The following CSMD3 variants were observed in gnomAD, a reference collection of about 807,000 sequenced individuals.
CSMD3 encodes the protein CUB and sushi domain-containing protein 3.
Under a neutral mutation model 435.2 loss-of-function variants are expected in CSMD3, and 177 were observed. The observed-to-expected ratio is 0.41, with a 90% confidence interval of 0.36 to 0.46. The LOEUF (loss-of-function observed/expected upper bound fraction) is 0.46. Among genes scored for constraint, CSMD3 ranks in the 20% least tolerant of loss-of-function variants. The probability of loss-of-function intolerance (pLI) is 0.34; values close to 1 mark genes in which losing one functional copy is unlikely to be tolerated. For missense variants in CSMD3, 4,265 were observed against 4,504.6 expected, an observed-to-expected ratio of 0.95 and a Z score of 1.52; for synonymous variants, 1,656 against 1,520.5, an observed-to-expected ratio of 1.09 and a Z score of -2.07.
intron 13 of CSMD3, among the ~76,000 whole-genome samples, chr8:112,725,724 G>A (rs747018422): frequency 6.6e-6 from 1 of 151,788 alleles, no homozygotes; most frequent in African/African-American, 2.4e-5. Context: ...GAAAAAATCC[G>A]AAGGATTTTT....
At chr8:112,621,279 G>T (rs1285278251) in intron 22 of CSMD3, among the ~76,000 whole-genome samples, 1 of 151,738 alleles carries the variant, frequency 6.6e-6, no homozygotes, top group Non-Finnish European at 1.5e-5. Flanking sequence ...AAATATATAT[G>T]GCAAAATATC....
chr8:113,377,582 C>T (rs2094393936), intron 1 of CSMD3, among the ~76,000 whole-genome samples: 1 of 152,104 alleles, frequency 6.6e-6, no homozygotes, highest in Non-Finnish European at 1.5e-5. Flanking sequence ...GTACACATTT[C>T]AATTTTTCTA....
chr8:112,288,170 C>T (rs1819401500), intron 57 of CSMD3, among the ~76,000 whole-genome samples: 1 of 146,342 alleles, frequency 6.8e-6, no homozygotes, highest in African/African-American at 2.5e-5. Flanking sequence ...TTAATAACCA[C>T]ACAAAATTTT....
intron 10 of CSMD3, among the ~76,000 whole-genome samples, chr8:112,870,879 T>C (rs1260620838): frequency 7.2e-6 from 1 of 138,874 alleles, no homozygotes; most frequent in Non-Finnish European, 1.6e-5. Context: ...GCAATGGGAG[T>C]AAGTAATAGA....
At chr8:113,419,243 G>A (rs2094598149) in intron 1 of CSMD3, among the ~76,000 whole-genome samples, 1 of 150,740 alleles carries the variant, frequency 6.6e-6, no homozygotes, top group South Asian at 2.1e-4. Context: ...CTCAGCCTCT[G>A]AGTAGATGGG....
At chr8:112,534,814 T>C (rs1272891097) in intron 27 of CSMD3, among the ~76,000 whole-genome samples, 1 of 152,050 alleles carries the variant, frequency 6.6e-6, no homozygotes, top group East Asian at 1.9e-4. Context: ...CAGCAGCACA[T>C]CAAAAAGTTT....
chr8:113,355,749 T>TATATATATATATGC (rs1357514892), intron 1 of CSMD3, among the ~76,000 whole-genome samples: 1 of 81,316 alleles, frequency 1.2e-5, no homozygotes, highest in South Asian at 6.2e-4. Flanking sequence ...TATATATATA[T>TATATATATATATGC]ACACACACAC....
At chr8:113,367,977 T>C (rs1379799235) in intron 1 of CSMD3, among the ~76,000 whole-genome samples, 1 of 152,064 alleles carries the variant, frequency 6.6e-6, no homozygotes, top group Non-Finnish European at 1.5e-5. Context: ...GGAAACATCA[T>C]GGGGGCTGAG....
chr8:112,279,544 A>G (rs970208181), intron 59 of CSMD3, among the ~76,000 whole-genome samples: 1 of 152,198 alleles, frequency 6.6e-6, no homozygotes, highest in Non-Finnish European at 1.5e-5. Flanking sequence ...CCTTCTAATT[A>G]CAATAGTTAA....
chr8:113,090,697 G>T (rs2089973330), intron 5 of CSMD3, among the ~76,000 whole-genome samples: 1 of 151,998 alleles, frequency 6.6e-6, no homozygotes, highest in African/African-American at 2.4e-5. Context: ...CAATGCTGTT[G>T]CCTGTCTTGT....
intron 13 of CSMD3, among the ~76,000 whole-genome samples, chr8:112,759,239 A>G (rs2077775317): frequency 6.6e-6 from 1 of 152,118 alleles, no homozygotes; most frequent in Admixed American, 6.5e-5. Context: ...GAGATAAAGG[A>G]GGCTTTTCCA....
chr8:113,186,534 C>A (rs1427486983), intron 3 of CSMD3, among the ~76,000 whole-genome samples: 2 of 152,006 alleles, frequency 1.3e-5, no homozygotes, highest in Non-Finnish European at 2.9e-5. Flanking sequence ...GTCAATAGAA[C>A]CCAGCAGCTC....
chr8:113,389,147 T>C (rs2094451182), intron 1 of CSMD3, among the ~76,000 whole-genome samples: 2 of 151,696 alleles, frequency 1.3e-5, no homozygotes, highest in South Asian at 4.1e-4. Flanking sequence ...CACCTGTGGC[T>C]AATTCCCACT....
chr8:112,829,365 G>T (rs995805661), intron 12 of CSMD3, among the ~76,000 whole-genome samples: 5 of 152,076 alleles, frequency 3.3e-5, no homozygotes, highest in Non-Finnish European at 5.9e-5. Context: ...AGATGAGCAG[G>T]CCCTCACCAG....
At chr8:113,414,512 T>C (rs1015730805) in intron 1 of CSMD3, among the ~76,000 whole-genome samples, 5 of 152,026 alleles carry the variant, frequency 3.3e-5, no homozygotes, top group Non-Finnish European at 7.4e-5. Flanking sequence ...AACATTTTAG[T>C]AGGCAGAAAG....
intron 6 of CSMD3, among the ~76,000 whole-genome samples, chr8:112,995,864 T>G (rs2085632497): frequency 6.6e-6 from 1 of 151,490 alleles, no homozygotes; most frequent in Admixed American, 6.6e-5. Flanking sequence ...AGTGACCTAT[T>G]GAAAAATCAT....
At chr8:112,940,840 G>A (rs141561640) in intron 9 of CSMD3, among the ~76,000 whole-genome samples, 71 of 151,838 alleles carry the variant, frequency 4.7e-4, no homozygotes, top group Admixed American at 2.0e-3. Flanking sequence ...TTACTAATAC[G>A]ATGAATTTGA....
At chr8:113,356,540 A>G (rs1448848622) in intron 1 of CSMD3, among the ~76,000 whole-genome samples, 1 of 152,178 alleles carries the variant, frequency 6.6e-6, no homozygotes, top group African/African-American at 2.4e-5. Context: ...TTCATGAGAG[A>G]AAGTAAGCAC....
At chr8:113,212,380 C>A (rs2092847175) in intron 3 of CSMD3, among the ~76,000 whole-genome samples, 1 of 152,060 alleles carries the variant, frequency 6.6e-6, no homozygotes, top group Admixed American at 6.6e-5. Context: ...AAGTTTAATT[C>A]ATTTGCAAAT....
Sources: gnomAD v4.1 joint callset for allele counts (sites outside exome capture counted in the v4.1 genomes callset) on GRCh38, gnomAD v4.1.1 for gene constraint, MANE v1.5 for transcripts, NCBI Gene and HGNC (gene_info 2026-07-23, HGNC 2026-07-21) for gene names.